The following SULT1E1 variants were observed in gnomAD, a reference collection of about 807,000 sequenced individuals.
SULT1E1 encodes sulfotransferase 1E1.
A neutral mutation model predicts 33.6 loss-of-function variants in SULT1E1; 36 were observed. The ratio of observed to expected loss-of-function variants is 1.07; its 90% CI spans 0.82 to 1.41. SULT1E1 has a LOEUF of 1.41. SULT1E1 is among the 40% of genes most tolerant of loss of function. The pLI is 0.00. For synonymous variants in SULT1E1, 121 were observed against 111.7 expected, an observed-to-expected ratio of 1.08 and a Z score of -0.53; for missense variants, 371 against 345.7, an observed-to-expected ratio of 1.07 and a Z score of -0.58.
the SULT1E1 span, among the ~76,000 whole-genome samples, chr4:69,825,765 C>A: frequency 2.0e-5 from 3 of 152,146 alleles, no homozygotes; most frequent in Non-Finnish European, 4.4e-5. Context: ...AGTCATGTCG[C>A]CTAAGTGAGA....
chr4:69,855,417 C>T lies in SULT1E1; in HGVS notation c.155G>A (p.Trp52Ter). ...IATYPKSGTTWVSEIVYMIYK... is the reference protein window; with the variant it reads ...IATYPKSGTT ...GATCATATACACAATTTCACTAACCCAGGTTGTACCTGTAAAAATTAAATA... is the reference window on the plus strand; with the variant it reads ...GATCATATACACAATTTCACTAACCTAGGTTGTACCTGTAAAAATTAAATA... The change falls in exon 3 of 8, where the codon TGG (tryptophan) becomes TAG (stop). Residue 52 changes from tryptophan (W) to a stop codon, truncating the protein, a stop_gained. Coordinates refer to ENST00000226444, the MANE Select transcript of SULT1E1 (RefSeq NM_005420.3). LOFTEE classifies it high-confidence loss of function. 6.2e-7 allele frequency: 1 copy of T among 1,608,058 alleles called. No homozygotes were observed. The highest frequency in any genetic ancestry group is 8.5e-7 in the Non-Finnish European group (1 of 1,177,292).
At chr4:69,849,691 A>T (rs1721062789) in intron 4 of SULT1E1, 128 bp from the exon 5 acceptor site, 2 of 786,118 alleles carry the variant, frequency 2.5e-6, no homozygotes, top group South Asian at 4.6e-5. Flanking sequence ...AAAATGCATA[A>T]GACATGTACA....
the SULT1E1 span, among the ~76,000 whole-genome samples, chr4:69,830,245 A>G: frequency 2.0e-5 from 3 of 152,178 alleles, no homozygotes; most frequent in Non-Finnish European, 4.4e-5. Context: ...GCCTTCAATT[A>G]GCCTCCCTCT....
At chr4:69,842,146 CA>C (rs1720896975) in intron 7 of SULT1E1, 40 bp from the exon 8 acceptor site, 3 of 1,150,616 alleles carry the variant, frequency 2.6e-6, no homozygotes, top group African/African-American at 1.6e-5. Context: ...TTAAGTCTTC[CA>C]AAAAGAATCA....
chr4:69,843,244 T>TA (rs11573796), intron 7 of SULT1E1, among the ~76,000 whole-genome samples: 5 of 152,204 alleles, frequency 3.3e-5, no homozygotes, highest in Admixed American at 2.6e-4. Flanking sequence ...ATGTGTATCC[T>TA]AAAAAAATCA....
chr4:69,854,044 G>A (rs551079990), intron 4 of SULT1E1, among the ~76,000 whole-genome samples, 173 bp downstream of exon 4: 2 of 152,244 alleles, frequency 1.3e-5, no homozygotes, highest in East Asian at 3.9e-4. Context: ...GCAAAAGACA[G>A]AGTTGGAATT....
rs771777989 is a variant in SULT1E1 at position 69,857,598 on chromosome 4, C to T, written c.47G>A (p.Gly16Glu). 3 of 1,611,788 alleles carry T rather than the reference C, an allele frequency of 1.9e-6. No individual in the cohort carries two copies. The South Asian group carries it at 3.3e-5, about 18-fold the overall frequency. ...DYYEKFEEVH[G>E]ILMYKDFVKY... ...GACAAAATCTTTATACATTAGAATC[C>T]CATGGACTTCTTCAAACTTTTCATA... The change falls in exon 2 of 8, where the codon GGG becomes GAG. Residue 16 changes from glycine (G) to glutamate (E), a missense_variant. Coordinates refer to ENST00000226444, the MANE Select transcript of SULT1E1 (RefSeq NM_005420.3).
chr4:69,841,679 A>T lies in SULT1E1; in HGVS notation c.*315T>A. 1 of 184,900 alleles carries T rather than the reference A, an allele frequency of 5.4e-6. No individual in the cohort carries two copies. Among genetic ancestry groups the T allele is most frequent in the Non-Finnish European group, 1.1e-5 (1 of 90,972 alleles). 11.5% of individuals were successfully genotyped at this position (184,900 alleles called of 1,614,324 possible). A position where few individuals can be genotyped will look rare whatever the true frequency, so the allele number is the denominator to read the frequency against. On this transcript the variant is annotated 3_prime_UTR_variant, in exon 8 of 8. Coordinates refer to ENST00000226444, the MANE Select transcript of SULT1E1 (RefSeq NM_005420.3). Reference sequence around the variant, plus strand: ...TAATAAGACCTCATCTCTACAAAAAAACATTAAAAAAATTAGCCAAACATG... The same window carrying T: ...TAATAAGACCTCATCTCTACAAAAATACATTAAAAAAATTAGCCAAACATG...
At chr4:69,849,403 G>T in intron 5 of SULT1E1, 34 bp downstream of exon 5, 1 of 1,596,656 alleles carries the variant, frequency 6.3e-7, no homozygotes, top group Non-Finnish European at 8.5e-7. Flanking sequence ...ATAAAACCTT[G>T]AAAAAAAATT....
intron 4 of SULT1E1, among the ~76,000 whole-genome samples, chr4:69,851,362 C>T (rs549878118): frequency 2.7e-4 from 41 of 152,202 alleles, no homozygotes; most frequent in African/African-American, 9.6e-4. Flanking sequence ...AGCCAACAGA[C>T]ACATGAAAAA....
chr4:69,824,782 A>C, the SULT1E1 span, among the ~76,000 whole-genome samples: 4 of 152,156 alleles, frequency 2.6e-5, no homozygotes, highest in Admixed American at 6.5e-5. Flanking sequence ...TAAAATCACC[A>C]ATCAGTGCTC....
the SULT1E1 span, among the ~76,000 whole-genome samples, chr4:69,828,901 T>C: frequency 6.6e-6 from 1 of 152,210 alleles, no homozygotes; most frequent in Non-Finnish European, 1.5e-5. Context: ...ATCATCAATG[T>C]ACTGGAGCAA....
At chr4:69,846,403 T>C (rs1560554744) in intron 6 of SULT1E1, among the ~76,000 whole-genome samples, 1 of 151,016 alleles carries the variant, frequency 6.6e-6, no homozygotes, top group African/African-American at 2.4e-5. Flanking sequence ...TATGAATCTC[T>C]AGACAACATA....
At chr4:69,839,266 G>T (rs1490448322), downstream of SULT1E1, among the ~76,000 whole-genome samples, 1 of 152,210 alleles carries the variant, frequency 6.6e-6, no homozygotes, top group African/African-American at 2.4e-5. Context: ...CCAAGAGCAT[G>T]CCATTGGCAT....
intron 6 of SULT1E1, among the ~76,000 whole-genome samples, chr4:69,845,223 A>T (rs1720950400): frequency 6.6e-6 from 1 of 151,994 alleles, no homozygotes; most frequent in South Asian, 2.1e-4. Context: ...TTAGTATTTG[A>T]TAGTATATCA....
intron 5 of SULT1E1, chr4:69,849,173 A>C (rs1721047124): frequency 4.2e-6 from 1 of 238,368 alleles, no homozygotes; most frequent in Non-Finnish European, 8.2e-6. Context: ...ATCTTGGAGA[A>C]TAAAATTGCT....
chr4:69,823,443 G>A, the SULT1E1 span, among the ~76,000 whole-genome samples: 5 of 151,994 alleles, frequency 3.3e-5, no homozygotes, highest in Non-Finnish European at 7.4e-5. Context: ...GGGAGGAGAG[G>A]CATAGTTAAG....
chr4:69,847,697 C>A lies in SULT1E1; in HGVS notation c.591+1G>T. 1 of 1,593,564 alleles carries A rather than the reference C, an allele frequency of 6.3e-7. No individual in the cohort carries two copies. Among genetic ancestry groups the A allele is most frequent in the Non-Finnish European group, 8.6e-7 (1 of 1,168,110 alleles). On this transcript the variant is annotated splice_donor_variant, in intron 6 of 7. Transcript: ENST00000226444. LOFTEE classifies it high-confidence loss of function. ...TTGCTTATGTGTTCCCAGTTCCTCA[C>A]CTCTTTCAGGTCTTCGTAGAAAAGA...
the SULT1E1 span, among the ~76,000 whole-genome samples, chr4:69,823,664 C>G: frequency 2.6e-5 from 4 of 152,162 alleles, no homozygotes; most frequent in Non-Finnish European, 5.9e-5. Context: ...AGTCCTCTTT[C>G]TTTGTAAATA....
Sources: gnomAD v4.1 joint callset for allele counts (sites outside exome capture counted in the v4.1 genomes callset) on GRCh38, gnomAD v4.1.1 for gene constraint, MANE v1.5 for transcripts, NCBI Gene and HGNC (gene_info 2026-07-23, HGNC 2026-07-21) for gene names.